Variants in ST3GAL5 observed in about 807,000 individuals in gnomAD.
The protein encoded by ST3GAL5 is lactosylceramide alpha-2,3-sialyltransferase.
Under a neutral mutation model 46.1 loss-of-function variants are expected in ST3GAL5, and 25 were observed. That is an observed-to-expected ratio of 0.54 (90% CI 0.40 to 0.76). ST3GAL5 has a LOEUF of 0.76. ST3GAL5 is among the 30% of genes least tolerant of loss of function. The pLI is 0.00. For missense variants in ST3GAL5, 431 were observed against 521.2 expected (o/e 0.83, Z 1.69); for synonymous variants, 182 against 192.7 (o/e 0.94, Z 0.46).
intron 3 of ST3GAL5, chr2:85,858,122 T>C (rs1573633821): frequency 6.6e-6 from 1 of 152,158 alleles, no homozygotes; most frequent in Non-Finnish European, 1.5e-5. Context: ...CAGGTGTTCT[T>C]TGAGAGCCTA....
intron 3 of ST3GAL5, chr2:85,853,818 T>C (rs1244280735): frequency 1.3e-5 from 2 of 152,268 alleles, no homozygotes; most frequent in South Asian, 2.1e-4. Context: ...ATTCCTCTCA[T>C]GTGCAAAGCA....
Position 85,844,428 on chromosome 2 carries a change from C to G in ST3GAL5, c.976G>C (p.Glu326Gln). Residue 326 changes from glutamate (E) to glutamine (Q), a missense_variant, in exon 6 of 7, where the codon GAG becomes CAG. Transcript: ENST00000638572. The stretch of plus-strand genomic sequence containing the variant: ...CGGCCCCAGAACCTTGACTGAGGCT[C>G]TGAGTACTGAAGGATGTCAAAGGCA... ...ETAFDILQYS[E>Q]PQSRFWGRDK... The G allele has an allele frequency of 6.2e-7, 1 of 1,614,196 alleles. No individual in the cohort carries two copies. The highest frequency in any genetic ancestry group is 1.1e-5 in the South Asian group (1 of 91,086).
At chr2:85,868,618 A>AC (rs1488653326) in intron 1 of ST3GAL5, among the ~76,000 whole-genome samples, 3 of 147,704 alleles carry the variant, frequency 2.0e-5, no homozygotes, top group Non-Finnish European at 4.5e-5. Context: ...GCTGGCAATT[A>AC]AACTTTTTTT....
chr2:85,864,393 A>G (rs1304988567), intron 1 of ST3GAL5, among the ~76,000 whole-genome samples: 1 of 152,218 alleles, frequency 6.6e-6, no homozygotes, highest in African/African-American at 2.4e-5. Flanking sequence ...ATCTGCTTCA[A>G]GAACTCAGGA....
chr2:85,852,701 T>C (rs914413010), intron 3 of ST3GAL5, among the ~76,000 whole-genome samples: 3 of 152,092 alleles, frequency 2.0e-5, no homozygotes, highest in Admixed American at 6.5e-5. Flanking sequence ...AACAATGGGC[T>C]TCAAAGGATT....
At chr2:85,845,491 C>G (rs892971892) in intron 5 of ST3GAL5, 1 of 152,266 alleles carries the variant, frequency 6.6e-6, no homozygotes, top group African/African-American at 2.4e-5. Flanking sequence ...TGGTCACAAT[C>G]TGGATATTCC....
chr2:85,852,105 T>G (rs1573612639), intron 3 of ST3GAL5, among the ~76,000 whole-genome samples: 1 of 152,248 alleles, frequency 6.6e-6, no homozygotes, highest in Non-Finnish European at 1.5e-5. Flanking sequence ...AGGACAACCC[T>G]TCTCAGAAAT....
At chr2:85,851,373 C>T (rs1683483014) in intron 3 of ST3GAL5, 1 of 1,178,594 alleles carries the variant, frequency 8.5e-7, no homozygotes, top group Admixed American at 3.6e-5. Context: ...ATTCCTTGTC[C>T]TCTTTTGTTT....
chr2:85,868,855 G>T (rs1237916440), intron 1 of ST3GAL5, among the ~76,000 whole-genome samples: 1 of 152,088 alleles, frequency 6.6e-6, no homozygotes, highest in South Asian at 2.1e-4. Flanking sequence ...CTGACCTCAG[G>T]TGATCCACCC....
At chr2:85,865,070 T>C (rs1685149168) in intron 1 of ST3GAL5, among the ~76,000 whole-genome samples, 1 of 152,224 alleles carries the variant, frequency 6.6e-6, no homozygotes, top group African/African-American at 2.4e-5. Flanking sequence ...GACAATCCCA[T>C]AGGGCAGAGA....
At chr2:85,852,843 G>A in intron 3 of ST3GAL5, 1 of 1,297,016 alleles carries the variant, frequency 7.7e-7, no homozygotes, top group Non-Finnish European at 1.0e-6. Flanking sequence ...CCTAGGTCGA[G>A]GCTTCAGTTT....
Position 85,837,620 on chromosome 2 carries a change from T to C in ST3GAL5, c.*2524A>G, listed in dbSNP as rs1011697686. The C allele has an allele frequency of 6.6e-6, 1 of 152,226 alleles. No homozygotes were observed. The highest frequency in any genetic ancestry group is 1.5e-5 in the Non-Finnish European group (1 of 68,044). The allele number at this position is 152,226 out of a possible 1,614,324, so 9.4% of individuals were successfully genotyped here. A position where few individuals can be genotyped will look rare whatever the true frequency, so the allele number is the denominator to read the frequency against. ...AAAGACAAATATTTAATGTGACAGA[T>C]ATCCCAGTTACACAGATTTGCTCCT... On this transcript the variant is annotated 3_prime_UTR_variant, in exon 7 of 7. Coordinates refer to ENST00000638572, the MANE Select transcript of ST3GAL5 (RefSeq NM_003896.4).
Position 85,839,555 on chromosome 2 carries a change from C to T in ST3GAL5, c.*589G>A, listed in dbSNP as rs1681760443. 1 of 158,132 alleles carries T rather than the reference C, an allele frequency of 6.3e-6. No homozygotes were observed. 9.8% of individuals were successfully genotyped at this position (158,132 alleles called of 1,614,324 possible). On this transcript the variant is annotated 3_prime_UTR_variant, in exon 7 of 7. Transcript: ENST00000638572. ...CCTCTCCGACCAGGGACCTCCAGGA[C>T]AGCTTCCCTGGTTGGTTCTCGAGTC...
chr2:85,866,229 A>G (rs1424664413), intron 1 of ST3GAL5: 1 of 152,162 alleles, frequency 6.6e-6, no homozygotes, highest in Non-Finnish European at 1.5e-5. Flanking sequence ...ATTTTCTTCT[A>G]TTCCTTTCAT....
intron 1 of ST3GAL5, among the ~76,000 whole-genome samples, chr2:85,881,349 T>C (rs1044615467): frequency 2.6e-5 from 4 of 152,156 alleles, no homozygotes; most frequent in African/African-American, 9.7e-5. Context: ...AAAAGATACC[T>C]GAAAATCTGG....
At chr2:85,861,086 A>C (rs775483881) in intron 3 of ST3GAL5, 95 bp downstream of exon 3, 4 of 923,064 alleles carry the variant, frequency 4.3e-6, no homozygotes, top group Middle Eastern at 3.2e-4. Flanking sequence ...AACTTTTATT[A>C]ACATATATTT....
At chr2:85,877,195 A>G (rs928055944) in intron 1 of ST3GAL5, among the ~76,000 whole-genome samples, 12 of 152,234 alleles carry the variant, frequency 7.9e-5, no homozygotes, top group Non-Finnish European at 1.6e-4. Context: ...GGAAATTAAC[A>G]CTGATTCAGT....
intron 3 of ST3GAL5, chr2:85,849,855 AGTGTGTGT>A (rs3046619): frequency 3.9e-4 from 58 of 147,300 alleles, no homozygotes; most frequent in Non-Finnish European, 6.6e-4. Context: ...CACAGGCAGA[AGTGTGTGT>A]GTGTGTGTGT....
At chr2:85,854,067 A>G (rs574296320) in intron 3 of ST3GAL5, 1 of 152,330 alleles carries the variant, frequency 6.6e-6, no homozygotes, top group South Asian at 2.1e-4. Flanking sequence ...TGTTTGACTT[A>G]CACAGCTGCC....
Sources: allele counts gnomAD v4.1 joint callset (sites outside exome capture counted in the v4.1 genomes callset), GRCh38; gene constraint gnomAD v4.1.1; transcripts MANE v1.5; gene names NCBI Gene and HGNC (gene_info 2026-07-23, HGNC 2026-07-21).